The following SEL1L2 variants were observed in gnomAD, a reference collection of about 807,000 sequenced individuals.
SEL1L2 encodes the protein SEL1L2 adaptor subunit of SYVN1 ubiquitin ligase, also known as protein sel-1 homolog 2.
In SEL1L2, 89 loss-of-function variants were observed where a neutral mutation model predicts 98.8. That is an observed-to-expected ratio of 0.90 (90% CI 0.76 to 1.07). The LOEUF is 1.07. SEL1L2 is among the 50% of genes least tolerant of loss of function. The pLI, the probability that SEL1L2 is intolerant of heterozygous loss-of-function variation, is 0.00. For missense variants in SEL1L2, 788 were observed against 812.0 expected (o/e 0.97, Z 0.36); for synonymous variants, 262 against 278.5 (o/e 0.94, Z 0.59).
chr20:13,915,032 T>C, intron 4 of SEL1L2: 1 of 1,133,796 alleles, frequency 8.8e-7, no homozygotes, highest in South Asian at 1.5e-5. Context: ...AGCGTTAACT[T>C]CTACCTGTGA....
intron 3 of SEL1L2, among the ~76,000 whole-genome samples, chr20:13,925,696 C>T (rs1200199024): frequency 1.3e-5 from 2 of 152,198 alleles, no homozygotes; most frequent in African/African-American, 2.4e-5. Flanking sequence ...GCCAAAACAT[C>T]GACTACATAC....
chr20:13,915,457 A>T (rs1410169726), intron 4 of SEL1L2, among the ~76,000 whole-genome samples: 1 of 151,846 alleles, frequency 6.6e-6, no homozygotes, highest in African/African-American at 2.4e-5. Context: ...CAGGATACAG[A>T]CTCCCTTGAG....
intron 5 of SEL1L2, among the ~76,000 whole-genome samples, chr20:13,909,078 T>C (rs780899216): frequency 7.4e-5 from 11 of 148,978 alleles, no homozygotes; most frequent in Non-Finnish European, 1.2e-4. Context: ...AGATAGTAGA[T>C]GTCTTCATTC....
intron 1 of SEL1L2, among the ~76,000 whole-genome samples, chr20:13,983,039 A>AAAAAAAAAAAAAAAAAAAAAAAAG: frequency 7.0e-6 from 1 of 142,472 alleles, no homozygotes; most frequent in Non-Finnish European, 1.5e-5. Context: ...AAAAAAAAAA[A>AAAAAAAAAAAAAAAAAAAAAAAAG]AAAAAAAAAG....
chr20:13,961,282 T>G (rs1318617453), intron 1 of SEL1L2, among the ~76,000 whole-genome samples: 1 of 152,200 alleles, frequency 6.6e-6, no homozygotes, highest in African/African-American at 2.4e-5. Flanking sequence ...CTCCATTTTT[T>G]TAAAAAACAA....
chr20:13,934,958 T>G (rs1002124727), intron 2 of SEL1L2, among the ~76,000 whole-genome samples: 4 of 152,138 alleles, frequency 2.6e-5, no homozygotes, highest in African/African-American at 9.7e-5. Flanking sequence ...ATAAGCATCC[T>G]GCACTCTCTA....
chr20:13,981,390 G>A (rs1299730116), intron 1 of SEL1L2, among the ~76,000 whole-genome samples: 1 of 152,140 alleles, frequency 6.6e-6, no homozygotes, highest in Non-Finnish European at 1.5e-5. Context: ...TGCACAGCAT[G>A]GTGACTATAG....
chr20:13,965,120 G>A (rs6110109), intron 1 of SEL1L2, among the ~76,000 whole-genome samples: 1 of 40,872 alleles, frequency 2.4e-5, no homozygotes, highest in Non-Finnish European at 5.2e-5. Context: ...CAGGAGGTCA[G>A]GAAGTAGGAA....
At chr20:13,970,021 T>G (rs912168132) in intron 1 of SEL1L2, among the ~76,000 whole-genome samples, 5 of 144,908 alleles carry the variant, frequency 3.5e-5, no homozygotes, top group Non-Finnish European at 4.5e-5. Context: ...AAGTGCTCCA[T>G]CCTCTTTTTT....
In SEL1L2 at chr20:13,865,662, T is replaced by C. The variant is rs1990885589; in HGVS notation, c.1405-148A>G. On this transcript the variant is annotated intron_variant, in intron 15 of 19. Transcript: ENST00000284951. The stretch of plus-strand genomic sequence containing the variant: ...CATGGCTTTTGCAAATTATTTAGGG[T>C]AAAGAGTTAATACCTTTTATAGGCA... The C allele has an allele frequency of 6.4e-6, 4 of 620,202 alleles. No individual in the cohort carries two copies. The South Asian group carries it at 9.0e-5, about 14-fold the overall frequency. 38.4% of individuals were successfully genotyped at this position (620,202 alleles called of 1,614,324 possible).
intron 8 of SEL1L2, 30 bp downstream of exon 8, chr20:13,887,739 A>G: frequency 7.1e-7 from 1 of 1,408,760 alleles, no homozygotes. Flanking sequence ...GCAACTGTTT[A>G]TTTTAAAATA....
chr20:13,902,406 TTC>T (rs1291776231), intron 5 of SEL1L2, among the ~76,000 whole-genome samples: 1 of 152,212 alleles, frequency 6.6e-6, no homozygotes, highest in Admixed American at 6.5e-5. Flanking sequence ...TGTGAGTTGG[TTC>T]TTTAATGTCC....
At chr20:13,959,557 A>G (rs1458152180) in intron 1 of SEL1L2, among the ~76,000 whole-genome samples, 3 of 152,220 alleles carry the variant, frequency 2.0e-5, no homozygotes, top group African/African-American at 4.8e-5. Context: ...TCAAAAGTCA[A>G]ACGAATTAGG....
rs1423337224 is a variant in SEL1L2, at chr20:13,931,657, T to C, written c.229A>G (p.Ile77Val). ...LLEKKKNQRK[I>V]RIKGIQNKDI... ...TTATTTTGAATTCCTTTTATTCTTA[T>C]TTTACGTTGATTCTTCTTTTTCTCC... is the stretch of plus-strand genomic sequence containing the variant. Residue 77 changes from isoleucine (I) to valine (V), a missense_variant, in exon 3 of 20, where the codon ATA becomes GTA. Physicochemically the swap from Ile to Val is conservative, Grantham distance 29. Transcript: ENST00000284951. 2 of 1,511,162 alleles carry C rather than the reference T, an allele frequency of 1.3e-6. No homozygotes were observed. The highest frequency in any genetic ancestry group is 9.0e-7 in the Non-Finnish European group (1 of 1,109,352). 93.6% of individuals were successfully genotyped at this position (1,511,162 alleles called of 1,614,324 possible).
intron 2 of SEL1L2, among the ~76,000 whole-genome samples, chr20:13,954,777 T>A (rs1476380584): frequency 6.6e-6 from 1 of 152,114 alleles, no homozygotes; most frequent in Admixed American, 6.5e-5. Context: ...CAGCAGGCAC[T>A]GACTTGCAAG....
intron 5 of SEL1L2, among the ~76,000 whole-genome samples, chr20:13,897,885 CAAAA>C (rs36054477): frequency 0.099 from 14,885 of 149,624 alleles, 801 homozygotes; most frequent in East Asian, 0.18. Flanking sequence ...AAAAACAAAA[CAAAA>C]AAAAACCCCA....
intron 18 of SEL1L2, among the ~76,000 whole-genome samples, chr20:13,856,493 C>T (rs1989186110): frequency 6.6e-6 from 1 of 152,046 alleles, no homozygotes; most frequent in African/African-American, 2.4e-5. Flanking sequence ...TACTTCAGGT[C>T]CTCTCCCAGT....
rs1302337090 is a variant in SEL1L2, at chr20:13,901,210, AC to A, written c.549+12571del. On this transcript the variant is annotated intron_variant, in intron 5 of 19. Coordinates refer to ENST00000284951, the MANE Select transcript of SEL1L2 (RefSeq NM_025229.2). ...CTCAGCCTCCCGAGTAGCTGGGACTACAGGCGCCTGCCCCCATGCCCGGCTA... is the reference window on the plus strand; with the variant it reads ...CTCAGCCTCCCGAGTAGCTGGGACTAAGGCGCCTGCCCCCATGCCCGGCTA... 2.0e-5 allele frequency among the ~76,000 whole-genome samples: 3 copies of A among 151,466 alleles called. No individual in the cohort carries two copies. In the East Asian group the frequency reaches 5.9e-4, roughly 30 times the overall value.
At chr20:13,935,667 C>T (rs937830006) in intron 2 of SEL1L2, among the ~76,000 whole-genome samples, 3 of 152,046 alleles carry the variant, frequency 2.0e-5, no homozygotes, top group Non-Finnish European at 2.9e-5. Context: ...AGAGAGGCAG[C>T]GCTGGGGCCA....
Sources: allele counts gnomAD v4.1 joint callset (sites outside exome capture counted in the v4.1 genomes callset), GRCh38; gene constraint gnomAD v4.1.1; transcripts MANE v1.5; gene names NCBI Gene and HGNC (gene_info 2026-07-23, HGNC 2026-07-21).